Variants in PIEZO1 observed in about 807,000 individuals in gnomAD.
The protein encoded by PIEZO1 is piezo type mechanosensitive ion channel component 1 (Er blood group).
A neutral mutation model predicts 297.2 loss-of-function variants in PIEZO1; 296 were observed. The observed-to-expected ratio is 1.00, with a 90% CI of 0.91 to 1.10. The LOEUF (loss-of-function observed/expected upper bound fraction) is 1.10. Ranked by LOEUF, PIEZO1 falls within the 50% of genes least tolerant of loss-of-function variation. The probability of loss-of-function intolerance (pLI) is 0.00; values close to 1 mark genes in which losing one functional copy is unlikely to be tolerated. For missense variants in PIEZO1, 5,018 were observed against 3,455.5 expected (o/e 1.45, Z -11.34); for synonymous variants, 2,427 against 1,507.5 (o/e 1.61, Z -14.13).
chr16:88,716,711 G>T lies in PIEZO1; in HGVS notation c.6774C>A (p.Ser2258Arg). 6.5e-7 allele frequency: 1 copy of T among 1,548,394 alleles called. No individual in the cohort carries two copies. Among genetic ancestry groups the T allele is most frequent in the Non-Finnish European group, 8.7e-7 (1 of 1,146,870 alleles). ...TGACGATGTCCTCAGGGCTGTACTG[G>T]CTGATGAACTGCATGGCCAGCTGGG... is the stretch of plus-strand genomic sequence containing the variant. ...DPQPLAMQFI[S>R]QYSPEDIVTA... The change falls in exon 47 of 51, where the codon AGC becomes AGA. Residue 2258 changes from serine to arginine, a missense_variant. Physicochemically the swap from Ser to Arg is moderately radical, Grantham distance 110. Coordinates refer to ENST00000301015, the MANE Select transcript of PIEZO1 (RefSeq NM_001142864.4).
chr16:88,780,257 G>A (rs568757171), intron 1 of PIEZO1, among the ~76,000 whole-genome samples: 1 of 152,310 alleles, frequency 6.6e-6, no homozygotes, highest in East Asian at 1.9e-4. Context: ...GTGATCTTGG[G>A]TGTGTGAATT....
chr16:88,734,698 T>G lies in PIEZO1; in HGVS notation c.1949A>C (p.Gln650Pro). The G allele has an allele frequency of 1.3e-6, 2 of 1,550,320 alleles. No homozygotes were observed. Among genetic ancestry groups the G allele is most frequent in the Non-Finnish European group, 8.7e-7 (1 of 1,146,930 alleles). The part of the protein sequence containing the change: ...VLIAVYTFQF[Q>P]DFPAYWRNLT... ...GTTGCGCCAGTAGGCAGGGAAGTCC[T>G]GGAACTGGAAGGTGTAGACGGCGAT... Residue 650 changes from glutamine (Q) to proline (P), a missense_variant, in exon 15 of 51, where the codon CAG becomes CCG. Physicochemically the swap from Gln to Pro is moderately conservative, Grantham distance 76. Transcript: ENST00000301015.
intron 2 of PIEZO1, chr16:88,743,206 C>G (rs757224284): frequency 4.4e-6 from 2 of 456,406 alleles, no homozygotes; most frequent in South Asian, 3.1e-5. Context: ...GGCGGGCGCA[C>G]CCTGTGGCTG....
chr16:88,768,821 C>A (rs149194020), intron 1 of PIEZO1, among the ~76,000 whole-genome samples: 2 of 152,204 alleles, frequency 1.3e-5, no homozygotes, highest in Non-Finnish European at 1.5e-5. Context: ...GGCAGGCCAG[C>A]GACACCGCGA....
At chr16:88,728,365 G>A (rs531186660) in intron 22 of PIEZO1, among the ~76,000 whole-genome samples, 8 of 152,238 alleles carry the variant, frequency 5.3e-5, no homozygotes, top group Admixed American at 2.0e-4. Context: ...ATCTGCCACA[G>A]AGGGAACCTC....
chr16:88,782,680 TA>T, intron 1 of PIEZO1, among the ~76,000 whole-genome samples: 1 of 152,298 alleles, frequency 6.6e-6, no homozygotes, highest in Admixed American at 6.5e-5. Flanking sequence ...CAAAACACGG[TA>T]GAACTGCTTC....
In PIEZO1 at chr16:88,716,413, T is replaced by G; in HGVS notation, c.6997A>C (p.Thr2333Pro). The stretch of plus-strand genomic sequence containing the variant: ...AGGCTGGCCAGCTGCCGCCGTGCAG[T>G]GCTGTTGGGGGCCAGGGCCAGCATG... ...KHMLALAPNS[T>P]ARRQLASLLE... Residue 2333 changes from threonine to proline, a missense_variant, in exon 48 of 51, where the codon ACT becomes CCT. Coordinates refer to ENST00000301015, the MANE Select transcript of PIEZO1 (RefSeq NM_001142864.4). 1 of 1,549,664 alleles carries G rather than the reference T, an allele frequency of 6.5e-7. No individual in the cohort carries two copies. The highest frequency in any genetic ancestry group is 2.4e-5 in the East Asian group (1 of 40,900).
At chr16:88,756,222 A>T (rs1445418595) in intron 1 of PIEZO1, among the ~76,000 whole-genome samples, 3 of 152,176 alleles carry the variant, frequency 2.0e-5, no homozygotes, top group Non-Finnish European at 2.9e-5. Flanking sequence ...CAGGACGCCC[A>T]CACCCAGCCC....
intron 1 of PIEZO1, among the ~76,000 whole-genome samples, chr16:88,784,080 G>T (rs1319292532): frequency 1.3e-5 from 2 of 152,216 alleles, no homozygotes; most frequent in African/African-American, 2.4e-5. Context: ...GTCGGGGAAG[G>T]GTAGGGGTGC....
Position 88,731,308 on chromosome 16 carries a change from G to T in PIEZO1, c.3196+398C>A, listed in dbSNP as rs970338780. The T allele has an allele frequency of 5.9e-5, 14 of 238,736 alleles. No individual in the cohort carries two copies. The East Asian group carries it at 1.4e-3, about 23-fold the overall frequency. 14.8% of individuals were successfully genotyped at this position (238,736 alleles called of 1,614,324 possible). On this transcript the variant is annotated intron_variant, in intron 22 of 50. Transcript: ENST00000301015. ...GGCACTGCCAGGAGACGGGACCACG[G>T]GTGTGGGGCTGTGGGCTCAGACACC...
Position 88,716,671 on chromosome 16 carries a change from C to T in PIEZO1, c.6814G>A (p.Gly2272Ser), listed in dbSNP as rs753093630. 3.2e-6 allele frequency: 5 copies of T among 1,549,088 alleles called. No homozygotes were observed. The highest frequency in any genetic ancestry group is 2.4e-5 in the South Asian group (2 of 84,060). ...PEDIVTAQIE[G>S]SSGALWRISP... Reference sequence around the variant, plus strand: ...ATGCGCCACAGCGCCCCGGAGCTGCCCTCAATCTGCGCCGTGACGATGTCC... The same window carrying T: ...ATGCGCCACAGCGCCCCGGAGCTGCTCTCAATCTGCGCCGTGACGATGTCC... Residue 2272 changes from glycine (G) to serine (S), a missense_variant, in exon 47 of 51, where the codon GGC becomes AGC. Transcript: ENST00000301015.
At chr16:88,734,199 T>C in intron 16 of PIEZO1, 145 bp from the exon 17 acceptor site, 1 of 1,217,016 alleles carries the variant, frequency 8.2e-7, no homozygotes, top group Non-Finnish European at 1.1e-6. Context: ...CCACTGTCCC[T>C]GTGACCTCCA....
intron 39 of PIEZO1, among the ~76,000 whole-genome samples, 157 bp from the exon 40 acceptor site, chr16:88,720,905 G>T (rs558395400): frequency 2.0e-5 from 3 of 152,326 alleles, no homozygotes; most frequent in Admixed American, 6.5e-5. Context: ...GACAGCTGGG[G>T]CTGTGTCCTC....
Position 88,726,411 on chromosome 16 carries a change from C to T in PIEZO1, c.3841G>A (p.Glu1281Lys). The stretch of plus-strand genomic sequence containing the variant: ...CTGTCCCAGATGATGCCAGCCTCCT[C>T]CACAGGCAGCAGGCAGTCCTGGTCT... ...DRDQDCLLPV[E>K]EAGIIWDSVC... The change falls in exon 27 of 51, where the codon GAG (glutamate) becomes AAG (lysine). Residue 1281 changes from glutamate (E) to lysine (K), a missense_variant. Glu to Lys is a moderately conservative substitution (Grantham distance 56). Coordinates refer to ENST00000301015, the MANE Select transcript of PIEZO1 (RefSeq NM_001142864.4). The T allele has an allele frequency of 6.4e-7, 1 of 1,550,510 alleles. No homozygotes were observed.
chr16:88,742,620 G>A (rs1232446537), intron 2 of PIEZO1, 198 bp from the exon 3 acceptor site: 4 of 573,276 alleles, frequency 7.0e-6, no homozygotes, highest in Admixed American at 3.4e-5. Flanking sequence ...CTTGTCACAA[G>A]GAGCCGGGCA....
At chr16:88,740,319 C>T (rs527809745) in intron 5 of PIEZO1, 12 of 152,446 alleles carry the variant, frequency 7.9e-5, no homozygotes, top group Admixed American at 6.5e-4. Context: ...CCGCCCAGGG[C>T]GCAGCTGCAC....
chr16:88,721,345 C>CCCTCCTCGGCTCCCTGCT lies in PIEZO1; in HGVS notation c.5471_5488dup (p.Glu1824_Glu1829dup). The CCCTCCTCGGCTCCCTGCT allele has an allele frequency of 1.3e-6, 2 of 1,548,426 alleles. No homozygotes were observed. The highest frequency in any genetic ancestry group is 1.2e-5 in the South Asian group (1 of 84,050). On this transcript the variant is annotated inframe_insertion, in exon 39 of 51. Transcript: ENST00000301015. The stretch of plus-strand genomic sequence containing the variant: ...GGTGGTGGCCGCAGGCACCCCTGGC[C>CCCTCCTCGGCTCCCTGCT]CCTCCTCGGCTCCCTGCTCCTCCTC...
At chr16:88,745,923 G>A (rs71395323) in intron 2 of PIEZO1, among the ~76,000 whole-genome samples, 79,545 of 151,874 alleles carry the variant, frequency 0.52, 21,824 homozygotes, top group Non-Finnish European at 0.62. Flanking sequence ...AAAGGCTGAG[G>A]GGCCCCACCA....
Position 88,736,749 on chromosome 16 carries a change from G to C in PIEZO1, c.1196-10C>G, listed in dbSNP as rs934945258. 2.0e-6 allele frequency: 3 copies of C among 1,501,830 alleles called. No homozygotes were observed. Among genetic ancestry groups the C allele is most frequent in the Non-Finnish European group, 8.9e-7 (1 of 1,123,448 alleles). The allele number at this position is 1,501,830 out of a possible 1,614,324, so 93.0% of individuals were successfully genotyped here. ...GCCCGCTTGGGCCGCACTGCAGGTGGGGACAGCGGTCAGCTTCGGCAGGTT... is the reference window on the plus strand; with the variant it reads ...GCCCGCTTGGGCCGCACTGCAGGTGCGGACAGCGGTCAGCTTCGGCAGGTT... On this transcript the variant is annotated splice_polypyrimidine_tract_variant and intron_variant, in intron 10 of 50. Transcript: ENST00000301015.
Sources: allele counts gnomAD v4.1 joint callset (sites outside exome capture counted in the v4.1 genomes callset), GRCh38; gene constraint gnomAD v4.1.1; transcripts MANE v1.5; gene names NCBI Gene and HGNC (gene_info 2026-07-23, HGNC 2026-07-21).